The following AUTS2 variants were observed in gnomAD, a reference collection of about 807,000 sequenced individuals.
AUTS2 encodes the protein activator of transcription and developmental regulator AUTS2, also known as autism susceptibility gene 2 protein.
In AUTS2, 17 loss-of-function variants were observed where a neutral mutation model predicts 112.4. That is an observed-to-expected ratio of 0.15 (90% CI 0.10 to 0.23). The LOEUF is 0.23. Ranked by LOEUF, AUTS2 falls within the 10% of genes least tolerant of loss-of-function variation. AUTS2 has a pLI of 1.00. For missense variants in AUTS2, 1,510 were observed against 1,701.6 expected, an observed-to-expected ratio of 0.89 and a Z score of 1.98; for synonymous variants, 751 against 702.7, an observed-to-expected ratio of 1.07 and a Z score of -1.09.
At chr7:70,404,296 G>T (rs1300957331) in intron 4 of AUTS2, among the ~76,000 whole-genome samples, 1 of 152,076 alleles carries the variant, frequency 6.6e-6, no homozygotes, top group African/African-American at 2.4e-5. Flanking sequence ...GAGATTGCTG[G>T]CTTGTCATCC....
intron 5 of AUTS2, among the ~76,000 whole-genome samples, chr7:70,558,554 G>C (rs574390104): frequency 1.3e-5 from 2 of 152,302 alleles, no homozygotes; most frequent in African/African-American, 4.8e-5. Context: ...GTAACCAAGT[G>C]TGGGAAACTT....
intron 1 of AUTS2, among the ~76,000 whole-genome samples, chr7:69,885,041 T>C (rs1321962221): frequency 6.6e-6 from 1 of 152,090 alleles, no homozygotes; most frequent in Non-Finnish European, 1.5e-5. Context: ...GGGGTGAAGA[T>C]TGAGAGAGAG....
intron 5 of AUTS2, among the ~76,000 whole-genome samples, chr7:70,612,929 G>T (rs1804170133): frequency 6.6e-6 from 1 of 152,082 alleles, no homozygotes; most frequent in Non-Finnish European, 1.5e-5. Context: ...AGGCAGTCCA[G>T]GGTGGGGTGC....
intron 1 of AUTS2, among the ~76,000 whole-genome samples, chr7:69,877,680 G>T (rs1170248121): frequency 6.6e-6 from 1 of 152,074 alleles, no homozygotes; most frequent in African/African-American, 2.4e-5. Flanking sequence ...CTAGTGTTTA[G>T]TTCCCACTTA....
At position 70,777,121 on chromosome 7, in the gene AUTS2, G is replaced by C; in HGVS notation, c.1951G>C (p.Ala651Pro). 1 of 1,614,138 alleles carries C rather than the reference G, an allele frequency of 6.2e-7. No individual in the cohort carries two copies. The change falls in exon 14 of 19, where the codon GCT becomes CCT. Residue 651 changes from alanine (A) to proline (P), a missense_variant. Physicochemically the swap from Ala to Pro is conservative, Grantham distance 27. Transcript: ENST00000342771. Reference protein sequence around the residue: ...PMLRKPGKWCAMHVHIAWQIY... With the variant: ...PMLRKPGKWCPMHVHIAWQIY... ...GTTCCAGAAACCAGGGAAGTGGTGT[G>C]CTATGCATGTTCACATCGCCTGGCA...
chr7:70,744,443 T>C (rs942039463), intron 6 of AUTS2, among the ~76,000 whole-genome samples: 6 of 152,152 alleles, frequency 3.9e-5, no homozygotes, highest in African/African-American at 1.2e-4. Context: ...GTCTTTAAGG[T>C]CAGGGTTTCA....
At position 70,698,189 on chromosome 7, in the gene AUTS2, A is replaced by C. The variant is rs568584598; in HGVS notation, c.691-380A>C. On this transcript the variant is annotated intron_variant, in intron 5 of 18. Transcript: ENST00000342771. ...ATTTCTGATTTGTGAAAGAAAATTG[A>C]AAAATTGGCATGTCTGCAAATACCA... Among the ~76,000 whole-genome samples the C allele has an allele frequency of 2.0e-5, 3 of 152,372 alleles. No individual in the cohort carries two copies. In the East Asian group the frequency reaches 5.8e-4, roughly 29 times the overall value.
intron 1 of AUTS2, among the ~76,000 whole-genome samples, chr7:69,677,428 G>A (rs1429751892): frequency 1.3e-5 from 2 of 152,176 alleles, no homozygotes; most frequent in Non-Finnish European, 2.9e-5. Flanking sequence ...TAAAACTATA[G>A]TGCTTAACTG....
At chr7:69,731,832 A>T (rs1203478272) in intron 1 of AUTS2, among the ~76,000 whole-genome samples, 1 of 152,214 alleles carries the variant, frequency 6.6e-6, no homozygotes, top group African/African-American at 2.4e-5. Flanking sequence ...GAACAGAGTC[A>T]GGAGACATTC....
chr7:69,778,063 A>G (rs778480813), intron 1 of AUTS2, among the ~76,000 whole-genome samples: 6 of 152,142 alleles, frequency 3.9e-5, no homozygotes, highest in African/African-American at 7.2e-5. Context: ...TGACTTTGAG[A>G]ACCTTATTGT....
intron 6 of AUTS2, among the ~76,000 whole-genome samples, chr7:70,732,779 T>C (rs183251163): frequency 6.6e-6 from 1 of 152,358 alleles, no homozygotes; most frequent in African/African-American, 2.4e-5. Flanking sequence ...GTATTACTTT[T>C]GCAAACAGGT....
chr7:69,835,960 C>G (rs553186123), intron 1 of AUTS2, among the ~76,000 whole-genome samples: 1 of 152,238 alleles, frequency 6.6e-6, no homozygotes, highest in South Asian at 2.1e-4. Context: ...GCTCATTGTC[C>G]TAGAACGAAT....
At chr7:70,545,825 T>C (rs1800751578) in intron 5 of AUTS2, among the ~76,000 whole-genome samples, 1 of 151,670 alleles carries the variant, frequency 6.6e-6, no homozygotes, top group Non-Finnish European at 1.5e-5. Context: ...GATGGGAACA[T>C]CAAGCATCAG....
At chr7:69,854,705 T>C (rs1434532779) in intron 1 of AUTS2, among the ~76,000 whole-genome samples, 1 of 152,118 alleles carries the variant, frequency 6.6e-6, no homozygotes, top group Non-Finnish European at 1.5e-5. Context: ...TCTGTTGGAG[T>C]GTGATTGAGT....
At chr7:69,607,167 A>G (rs1017068665) in intron 1 of AUTS2, among the ~76,000 whole-genome samples, 1 of 152,170 alleles carries the variant, frequency 6.6e-6, no homozygotes, top group Non-Finnish European at 1.5e-5. Flanking sequence ...AGTCCTGTTC[A>G]GGTCTCTGAT....
At chr7:69,674,362 T>C (rs1796463448) in intron 1 of AUTS2, among the ~76,000 whole-genome samples, 1 of 152,188 alleles carries the variant, frequency 6.6e-6, no homozygotes, top group Non-Finnish European at 1.5e-5. Context: ...CCAGGGGCTC[T>C]GGAGACTGCC....
chr7:70,018,775 G>A (rs1290030458), intron 2 of AUTS2, among the ~76,000 whole-genome samples: 1 of 152,132 alleles, frequency 6.6e-6, no homozygotes, highest in Non-Finnish European at 1.5e-5. Context: ...ATGCTGGTGA[G>A]GTTGCTGAGA....
chr7:70,118,258 A>AC, intron 3 of AUTS2, 25 bp downstream of exon 3: 1 of 1,557,076 alleles, frequency 6.4e-7, no homozygotes, highest in South Asian at 1.2e-5. Flanking sequence ...AAAAAAAAAA[A>AC]AAAAAAAAAT....
At chr7:69,624,587 A>G in intron 1 of AUTS2, among the ~76,000 whole-genome samples, 1 of 152,166 alleles carries the variant, frequency 6.6e-6, no homozygotes. Context: ...AAGTGGAGGG[A>G]GAGAGCTGTC....
Sources: allele counts gnomAD v4.1 joint callset (sites outside exome capture counted in the v4.1 genomes callset), GRCh38; gene constraint gnomAD v4.1.1; transcripts MANE v1.5; gene names NCBI Gene and HGNC (gene_info 2026-07-23, HGNC 2026-07-21).